CGNL1: variants seen among roughly 807,000 people sequenced by gnomAD.
CGNL1 encodes cingulin-like protein 1.
CGNL1 carries 132 observed loss-of-function variants against 141.2 expected under a neutral mutation model. The observed-to-expected ratio is 0.93, with a 90% CI of 0.81 to 1.08. CGNL1 has a LOEUF of 1.08. Among genes scored for constraint, CGNL1 ranks in the 50% least tolerant of loss-of-function variants. The pLI, the probability that CGNL1 is intolerant of heterozygous loss-of-function variation, is 0.00. For synonymous variants in CGNL1, 690 were observed against 622.1 expected (o/e 1.11, Z -1.63); for missense variants, 1,870 against 1,588.6 (o/e 1.18, Z -3.01).
intron 10 of CGNL1, among the ~76,000 whole-genome samples, chr15:57,519,027 CAG>C (rs1465079852): frequency 4.7e-4 from 71 of 152,226 alleles, no homozygotes; most frequent in Non-Finnish European, 6.0e-4. Flanking sequence ...GATGGCTATT[CAG>C]AGAGGCAGGA....
At chr15:57,524,425 C>T (rs1315635527) in intron 11 of CGNL1, among the ~76,000 whole-genome samples, 156 bp from the exon 12 acceptor site, 1 of 152,190 alleles carries the variant, frequency 6.6e-6, no homozygotes, top group East Asian at 1.9e-4. Flanking sequence ...GTCACAGGTG[C>T]CCACACCTGG....
chr15:57,417,341 C>T (rs914314129), intron 1 of CGNL1, among the ~76,000 whole-genome samples: 4 of 152,184 alleles, frequency 2.6e-5, no homozygotes, highest in Non-Finnish European at 2.9e-5. Context: ...TCAAGCAATT[C>T]TCATGCCTCA....
At chr15:57,428,304 A>G (rs1410091185) in intron 1 of CGNL1, among the ~76,000 whole-genome samples, 1 of 152,222 alleles carries the variant, frequency 6.6e-6, no homozygotes, top group African/African-American at 2.4e-5. Context: ...TGCAGGTCTT[A>G]GAGACAAAGT....
chr15:57,388,294 A>AG (rs139851092), intron 1 of CGNL1, among the ~76,000 whole-genome samples: 12,892 of 152,108 alleles, frequency 0.085, 1,141 homozygotes, highest in African/African-American at 0.22. Flanking sequence ...AGTTGTCATT[A>AG]GAGGAGTCCT....
intron 1 of CGNL1, among the ~76,000 whole-genome samples, chr15:57,390,238 T>C (rs1340198659): frequency 2.6e-5 from 4 of 152,248 alleles, no homozygotes; most frequent in Non-Finnish European, 5.9e-5. Flanking sequence ...GGCTTCCATC[T>C]GGGTTGAGGT....
chr15:57,475,208 C>T (rs1366234904), intron 8 of CGNL1, among the ~76,000 whole-genome samples: 1 of 152,236 alleles, frequency 6.6e-6, no homozygotes, highest in Non-Finnish European at 1.5e-5. Context: ...GTTACAGAGT[C>T]CTGCCTGGTC....
intron 8 of CGNL1, among the ~76,000 whole-genome samples, chr15:57,467,886 C>T (rs2063529608): frequency 6.6e-6 from 1 of 152,060 alleles, no homozygotes; most frequent in African/African-American, 2.4e-5. Flanking sequence ...GATGGGGTTT[C>T]ACCATGTTGG....
At chr15:57,455,197 A>G (rs996811621) in intron 7 of CGNL1, among the ~76,000 whole-genome samples, 12 of 152,168 alleles carry the variant, frequency 7.9e-5, no homozygotes, top group Non-Finnish European at 1.3e-4. Context: ...TAATTTTGAA[A>G]CAAAGATTGT....
chr15:57,436,525 T>C (rs908936316), intron 1 of CGNL1, among the ~76,000 whole-genome samples: 2 of 151,464 alleles, frequency 1.3e-5, no homozygotes, highest in Non-Finnish European at 2.9e-5. Context: ...GAAAAGTTCC[T>C]GTCTTAAGCT....
chr15:57,431,155 C>A (rs2063040251), intron 1 of CGNL1, among the ~76,000 whole-genome samples: 1 of 152,120 alleles, frequency 6.6e-6, no homozygotes, highest in African/African-American at 2.4e-5. Flanking sequence ...CTGTAGCACT[C>A]AATGTTATAA....
chr15:57,539,876 C>T (rs1306569645), intron 14 of CGNL1, among the ~76,000 whole-genome samples: 6 of 152,216 alleles, frequency 3.9e-5, no homozygotes, highest in African/African-American at 1.4e-4. Context: ...CCACATGCAT[C>T]ACCAGGAGGA....
At chr15:57,420,572 T>C (rs1301938557) in intron 1 of CGNL1, among the ~76,000 whole-genome samples, 1 of 152,220 alleles carries the variant, frequency 6.6e-6, no homozygotes, top group Admixed American at 6.5e-5. Flanking sequence ...TCGGAATCGT[T>C]AATGCATTCC....
chr15:57,528,688 A>G lies in CGNL1; in HGVS notation c.3074A>G (p.Gln1025Arg), dbSNP rs1355490839. Residue 1025 changes from glutamine (Q) to arginine (R), a missense_variant, in exon 13 of 19, where the codon CAG becomes CGG. Physicochemically the swap from Gln to Arg is conservative, Grantham distance 43. Coordinates refer to ENST00000281282, the MANE Select transcript of CGNL1 (RefSeq NM_032866.5). The part of the protein sequence containing the change: ...RLMEEELRDY[Q>R]RAQDEALTKR... ...ATGGAGGAAGAGTTACGGGACTACC[A>G]GAGAGCTCAGGATGAAGCACTCACA... The G allele has an allele frequency of 1.2e-6, 2 of 1,614,190 alleles. No individual in the cohort carries two copies. The highest frequency in any genetic ancestry group is 1.1e-5 in the South Asian group (1 of 91,080).
intron 1 of CGNL1, among the ~76,000 whole-genome samples, chr15:57,424,521 T>C (rs2062952118): frequency 6.6e-6 from 1 of 152,198 alleles, no homozygotes; most frequent in Non-Finnish European, 1.5e-5. Context: ...AACTTGTTAG[T>C]AATTACATAA....
At chr15:57,442,256 C>G (rs1448756680) in intron 3 of CGNL1, 117 bp from the exon 4 acceptor site, 1 of 385,676 alleles carries the variant, frequency 2.6e-6, no homozygotes, top group African/African-American at 2.2e-5. Context: ...TTAATTAATT[C>G]ACAGCTCCTG....
intron 13 of CGNL1, among the ~76,000 whole-genome samples, chr15:57,529,555 C>A (rs1040020654): frequency 9.3e-5 from 11 of 118,402 alleles, no homozygotes; most frequent in African/African-American, 3.6e-4. Context: ...AACTAACCCC[C>A]AGAAACACAC....
In CGNL1 at chr15:57,543,792, AG is replaced by A; in HGVS notation, c.3375+14del. 1 of 1,600,854 alleles carries A rather than the reference AG, an allele frequency of 6.2e-7. No homozygotes were observed. The highest frequency in any genetic ancestry group is 8.6e-7 in the Non-Finnish European group (1 of 1,168,216). On this transcript the variant is annotated intron_variant, in intron 15 of 18. Transcript: ENST00000281282. The stretch of plus-strand genomic sequence containing the variant: ...CCTGGAGAGGCAGGTGAGGGCAGCC[AG>A]CCTGTGAGCTGCCCCCCCGTCCATC...
chr15:57,424,335 C>A (rs1287129219), intron 1 of CGNL1, among the ~76,000 whole-genome samples: 1 of 152,184 alleles, frequency 6.6e-6, no homozygotes, highest in Admixed American at 6.5e-5. Flanking sequence ...ACCTTCACTA[C>A]CACCACCATC....
intron 8 of CGNL1, among the ~76,000 whole-genome samples, chr15:57,503,447 C>A (rs1417626121): frequency 6.6e-6 from 1 of 152,144 alleles, no homozygotes; most frequent in South Asian, 2.1e-4. Flanking sequence ...GTGGGACTCT[C>A]ATCAGATAGG....
Sources: allele counts gnomAD v4.1 joint callset (sites outside exome capture counted in the v4.1 genomes callset), GRCh38; gene constraint gnomAD v4.1.1; transcripts MANE v1.5; gene names NCBI Gene and HGNC (gene_info 2026-07-23, HGNC 2026-07-21).